Variants in STIL observed in about 807,000 individuals in gnomAD.
STIL encodes SCL-interrupting locus protein.
A neutral mutation model predicts 110.1 loss-of-function variants in STIL; 55 were observed. The ratio of observed to expected loss-of-function variants is 0.50; its 90% CI spans 0.40 to 0.63. The LOEUF is 0.63. Among genes scored for constraint, STIL ranks in the 20% least tolerant of loss-of-function variants. STIL has a pLI of 0.00. For missense variants in STIL, 1,358 were observed against 1,530.0 expected, an observed-to-expected ratio of 0.89 and a Z score of 1.87; for synonymous variants, 481 against 530.0, an observed-to-expected ratio of 0.91 and a Z score of 1.27.
At chr1:47,303,291 G>A (rs560567232) in intron 3 of STIL, among the ~76,000 whole-genome samples, 7 of 152,332 alleles carry the variant, frequency 4.6e-5, no homozygotes, top group African/African-American at 9.6e-5. Flanking sequence ...AGGGCCAGGC[G>A]TGGTGGCACA....
At chr1:47,304,346 T>C (rs1025673786) in intron 3 of STIL, among the ~76,000 whole-genome samples, 4 of 151,910 alleles carry the variant, frequency 2.6e-5, no homozygotes, top group African/African-American at 9.7e-5. Flanking sequence ...ACCATTACAA[T>C]ATACACCTGT....
intron 2 of STIL, among the ~76,000 whole-genome samples, chr1:47,309,030 T>C (rs1233623034): frequency 6.7e-6 from 1 of 149,388 alleles, no homozygotes; most frequent in Non-Finnish European, 1.5e-5. Context: ...CCAGCATAAG[T>C]GACAAAGTGA....
chr1:47,299,636 G>C (rs1645744916), intron 6 of STIL: 3 of 380,332 alleles, frequency 7.9e-6, no homozygotes, highest in South Asian at 6.7e-5. Context: ...CAGGTGATCT[G>C]CCCGCCTAGG....
Position 47,300,143 on chromosome 1 carries a change from A to G in STIL, c.463T>C (p.Cys155Arg), listed in dbSNP as rs369668882. ...DFSSALKALQCHICSKDSLDC... is the reference protein window; with the variant it reads ...DFSSALKALQRHICSKDSLDC... ...AAGGAATCTTTGCTACATATATGGC[A>G]CTGTAGAGCCTGAGAAATCAATATT... The change falls in exon 6 of 17, where the codon TGC becomes CGC. Residue 155 changes from cysteine (C) to arginine (R), a missense_variant. Cys to Arg is a radical substitution (Grantham distance 180). Transcript: ENST00000371877. 3.1e-6 allele frequency: 5 copies of G among 1,613,546 alleles called. No homozygotes were observed. The African/African-American group carries it at 5.3e-5, about 17-fold the overall frequency.
intron 10 of STIL, among the ~76,000 whole-genome samples, chr1:47,286,774 TTAA>T (rs1258430028): frequency 6.6e-6 from 1 of 152,204 alleles, no homozygotes; most frequent in African/African-American, 2.4e-5. Flanking sequence ...ATTCTAGTGA[TTAA>T]TGTTTTAAAA....
intron 6 of STIL, among the ~76,000 whole-genome samples, chr1:47,297,161 G>A (rs892786972): frequency 1.3e-5 from 2 of 152,050 alleles, no homozygotes; most frequent in Non-Finnish European, 2.9e-5. Context: ...GGCCAAGATG[G>A]TGAAACCCCA....
intron 14 of STIL, among the ~76,000 whole-genome samples, chr1:47,264,930 TA>T (rs35230201): frequency 0.073 from 9,440 of 128,796 alleles, 534 homozygotes; most frequent in East Asian, 0.31. Context: ...TTTCTAAAGT[TA>T]AAAAAAAAAA....
chr1:47,267,561 C>T (rs1644688515), intron 14 of STIL, among the ~76,000 whole-genome samples: 1 of 151,408 alleles, frequency 6.6e-6, no homozygotes, highest in South Asian at 2.1e-4. Flanking sequence ...AAAAATTAGC[C>T]AGGTGTGGTG....
intron 10 of STIL, chr1:47,284,073 T>C (rs1213718788): frequency 2.0e-5 from 3 of 152,138 alleles, no homozygotes; most frequent in African/African-American, 7.2e-5. Context: ...AATTTTTATA[T>C]TTTTAGTAGA....
chr1:47,302,268 T>C lies in STIL; in HGVS notation c.231A>G (p.Ser77=), dbSNP rs1479919542. Residue 77 remains serine (S), a synonymous_variant, in exon 4 of 17, where the codon TCA becomes TCG. Coordinates refer to ENST00000371877, the MANE Select transcript of STIL (RefSeq NM_001048166.1). ...CTGTCAGAGAACCAAGTAAAAAGCA[T>C]GACGAATTTTTTTTATTCTGCTTAG... The part of the protein sequence containing the change: ...RHAKQNKKNS[S]CFLLGSLTAD... 3 of 1,613,946 alleles carry C rather than the reference T, an allele frequency of 1.9e-6. No homozygotes were observed. Among genetic ancestry groups the C allele is most frequent in the Non-Finnish European group, 2.5e-6 (3 of 1,179,960 alleles).
intron 16 of STIL, 102 bp downstream of exon 16, chr1:47,260,187 A>G (rs1317562015): frequency 1.7e-6 from 2 of 1,209,368 alleles, no homozygotes; most frequent in Admixed American, 5.0e-5. Flanking sequence ...TTGCCACAAT[A>G]CATCTAAAAT....
rs2148978370 is a variant in STIL at position 47,281,182 on chromosome 1, C to T, written c.1276G>A (p.Glu426Lys). ...TTGCCATCCAACACAAGTGAAAGTT[C>T]AGGAACTGATGGTTGGATCTTAGAA... ...KISKIQPSVP[E>K]LSLVLDGNFI... The change falls in exon 12 of 17, where the codon GAA becomes AAA. Residue 426 changes from glutamate to lysine, a missense_variant. By Grantham distance (56) the Glu-to-Lys change is moderately conservative (BLOSUM62 1). Transcript: ENST00000371877. 1 of 1,613,146 alleles carries T rather than the reference C, an allele frequency of 6.2e-7. No homozygotes were observed. The highest frequency in any genetic ancestry group is 2.2e-5 in the East Asian group (1 of 44,862).
rs372762856 is a variant in STIL, at chr1:47,269,830, T to C, written c.2420A>G (p.Gln807Arg). 2 of 1,614,106 alleles carry C rather than the reference T, an allele frequency of 1.2e-6. No homozygotes were observed. Among genetic ancestry groups the C allele is most frequent in the African/African-American group, 2.7e-5 (2 of 74,942 alleles). ...SLFWNAAGEDQEPDSQMKQDD... is the reference protein window; with the variant it reads ...SLFWNAAGEDREPDSQMKQDD... ...TTGCTTCATTTGAGAGTCAGGCTCT[T>C]GATCCTCACCTGCTGCATTCCAAAA... The change falls in exon 14 of 17, where the codon CAA becomes CGA. Residue 807 changes from glutamine to arginine, a missense_variant. Gln to Arg is a conservative substitution (Grantham distance 43). Transcript: ENST00000371877.
chr1:47,299,706 T>G, intron 6 of STIL, 199 bp downstream of exon 6: 1 of 580,858 alleles, frequency 1.7e-6, no homozygotes. Context: ...CCACCAATTT[T>G]TTGTAGGTGG....
intron 11 of STIL, 54 bp downstream of exon 11, chr1:47,282,291 A>G: frequency 9.1e-7 from 1 of 1,097,714 alleles, no homozygotes; most frequent in Non-Finnish European, 1.4e-6. Flanking sequence ...TTTAACCATG[A>G]AGAGACTTAG....
intron 14 of STIL, among the ~76,000 whole-genome samples, chr1:47,268,319 G>A (rs774636465): frequency 2.6e-5 from 4 of 152,116 alleles, no homozygotes; most frequent in East Asian, 1.9e-4. Flanking sequence ...GGTGGCGCAC[G>A]CCTGTAATCC....
At position 47,251,465 on chromosome 1, in the gene STIL, T is replaced by C; in HGVS notation, c.3538A>G (p.Asn1180Asp). Residue 1180 changes from asparagine to aspartate, a missense_variant, in exon 17 of 17, where the codon AAT becomes GAT. By Grantham distance (23) the Asn-to-Asp change is conservative. Coordinates refer to ENST00000371877, the MANE Select transcript of STIL (RefSeq NM_001048166.1). ...CCCACAGATTCACAGTTAGAACAAT[T>C]AATTATTTCATGGTCATTCTTAGAA... ...EPSKNDHEII[N>D]CSNCESVGTN... 1 of 1,614,250 alleles carries C rather than the reference T, an allele frequency of 6.2e-7. No individual in the cohort carries two copies. Among genetic ancestry groups the C allele is most frequent in the South Asian group, 1.1e-5 (1 of 91,084 alleles).
chr1:47,307,044 C>G (rs11211511), intron 2 of STIL, among the ~76,000 whole-genome samples: 88,539 of 152,086 alleles, frequency 0.58, 27,950 homozygotes, highest in African/African-American at 0.84. Flanking sequence ...CCAGCTAGTT[C>G]AGAGGCTGAG....
intron 12 of STIL, among the ~76,000 whole-genome samples, chr1:47,275,281 A>G (rs1340378945): frequency 2.0e-5 from 3 of 151,914 alleles, no homozygotes; most frequent in Non-Finnish European, 2.9e-5. Flanking sequence ...AGCAACAAAT[A>G]TAATCCTGAA....
Sources: gnomAD v4.1 joint callset for allele counts (sites outside exome capture counted in the v4.1 genomes callset) on GRCh38, gnomAD v4.1.1 for gene constraint, MANE v1.5 for transcripts, NCBI Gene and HGNC (gene_info 2026-07-23, HGNC 2026-07-21) for gene names.